LRRTM4: variants seen among roughly 807,000 people sequenced by gnomAD.
The protein encoded by LRRTM4 is leucine-rich repeat transmembrane neuronal protein 4.
A neutral mutation model predicts 47.6 loss-of-function variants in LRRTM4; 25 were observed. The observed-to-expected ratio is 0.53, with a 90% CI of 0.38 to 0.73. The LOEUF (loss-of-function observed/expected upper bound fraction) is 0.73, where lower values mean the gene tolerates loss of function less well. Among genes scored for constraint, LRRTM4 ranks in the 30% least tolerant of loss-of-function variants. The pLI is 0.00. For missense variants in LRRTM4, 638 were observed against 713.4 expected, an observed-to-expected ratio of 0.89 and a Z score of 1.20; for synonymous variants, 311 against 269.5, an observed-to-expected ratio of 1.15 and a Z score of -1.51.
intron 3 of LRRTM4, among the ~76,000 whole-genome samples, chr2:77,022,074 CTTAAAG>C (rs1277038979): frequency 6.6e-6 from 1 of 152,080 alleles, no homozygotes; most frequent in East Asian, 1.9e-4. Context: ...TTTAATTGGA[CTTAAAG>C]TTCCACATGG....
At chr2:76,750,067 A>T (rs986018572) in intron 3 of LRRTM4, among the ~76,000 whole-genome samples, 4 of 152,174 alleles carry the variant, frequency 2.6e-5, no homozygotes, top group African/African-American at 9.7e-5. Context: ...ATGGAGGGAG[A>T]TGGCAAGACT....
chr2:76,769,973 T>C (rs1673623266), intron 3 of LRRTM4, among the ~76,000 whole-genome samples: 1 of 152,188 alleles, frequency 6.6e-6, no homozygotes, highest in African/African-American at 2.4e-5. Context: ...ATCCCAGACC[T>C]ACTCGATCAA....
chr2:77,297,755 A>G lies in LRRTM4; in HGVS notation c.1551+220563T>C, dbSNP rs183836243. On this transcript the variant is annotated intron_variant, in intron 3 of 3. Transcript: ENST00000409884. ...GCCAAGAGAGTAGAGCTTTAAAGTCAATTAATAATGATATAATGAGAGAAG... is the reference window on the plus strand; with the variant it reads ...GCCAAGAGAGTAGAGCTTTAAAGTCGATTAATAATGATATAATGAGAGAAG... 2.6e-4 allele frequency among the ~76,000 whole-genome samples: 39 copies of G among 152,320 alleles called. No individual in the cohort carries two copies. In the East Asian group the frequency reaches 7.3e-3, roughly 29 times the overall value.
intron 3 of LRRTM4, among the ~76,000 whole-genome samples, chr2:77,409,147 A>G (rs931530552): frequency 6.6e-6 from 1 of 152,202 alleles, no homozygotes; most frequent in Non-Finnish European, 1.5e-5. Flanking sequence ...CACAGGATTA[A>G]TATTATAACT....
intron 3 of LRRTM4, among the ~76,000 whole-genome samples, chr2:77,139,729 C>T (rs1045861541): frequency 3.9e-5 from 6 of 152,068 alleles, no homozygotes; most frequent in African/African-American, 7.2e-5. Flanking sequence ...AAAACCCTAT[C>T]GTCTCAGCCC....
chr2:77,498,315 T>C (rs541269078), intron 3 of LRRTM4, among the ~76,000 whole-genome samples: 1 of 151,836 alleles, frequency 6.6e-6, no homozygotes, highest in African/African-American at 2.4e-5. Context: ...AAAACTGTCT[T>C]TTTAGCGATT....
chr2:76,997,258 T>A (rs1407924753), intron 3 of LRRTM4, among the ~76,000 whole-genome samples: 1 of 152,174 alleles, frequency 6.6e-6, no homozygotes, highest in Non-Finnish European at 1.5e-5. Flanking sequence ...AGTCCTGATT[T>A]TTTTCTTGAT....
chr2:77,039,668 C>T (rs1678959309), intron 3 of LRRTM4, among the ~76,000 whole-genome samples: 1 of 150,798 alleles, frequency 6.6e-6, no homozygotes, highest in Admixed American at 6.6e-5. Context: ...AATGTAATAC[C>T]ATCTTGTGTT....
chr2:76,885,850 T>C (rs369163172), intron 3 of LRRTM4, among the ~76,000 whole-genome samples: 5 of 152,038 alleles, frequency 3.3e-5, no homozygotes, highest in African/African-American at 1.2e-4. Context: ...TTACAACTAA[T>C]AAATGCTACT....
At chr2:76,789,356 GCCTCTTGA>G (rs1674847521) in intron 3 of LRRTM4, among the ~76,000 whole-genome samples, 1 of 152,158 alleles carries the variant, frequency 6.6e-6, no homozygotes, top group Non-Finnish European at 1.5e-5. Flanking sequence ...GTCCCTCGCA[GCCTCTTGA>G]CCTCACCACC....
At chr2:77,015,429 G>C (rs561490529) in intron 3 of LRRTM4, among the ~76,000 whole-genome samples, 1 of 152,088 alleles carries the variant, frequency 6.6e-6, no homozygotes, top group East Asian at 1.9e-4. Flanking sequence ...CTCCACCTCT[G>C]GGTTCAAGCA....
chr2:76,819,202 G>T (rs1045273391), intron 3 of LRRTM4, among the ~76,000 whole-genome samples: 1 of 151,580 alleles, frequency 6.6e-6, no homozygotes, highest in African/African-American at 2.4e-5. Context: ...AGTATTTATT[G>T]CCATGTTATT....
At chr2:77,142,581 T>C (rs967920364) in intron 3 of LRRTM4, among the ~76,000 whole-genome samples, 1 of 152,180 alleles carries the variant, frequency 6.6e-6, no homozygotes, top group Admixed American at 6.5e-5. Context: ...TTAGTAACTA[T>C]GACATTCTAT....
intron 3 of LRRTM4, among the ~76,000 whole-genome samples, chr2:76,964,777 GA>G (rs1675969328): frequency 1.3e-5 from 2 of 149,908 alleles, no homozygotes; most frequent in South Asian, 4.2e-4. Flanking sequence ...GGAAAACAGA[GA>G]AAAGCAATGA....
intron 3 of LRRTM4, among the ~76,000 whole-genome samples, chr2:76,814,476 G>A (rs572604671): frequency 2.4e-4 from 36 of 151,454 alleles, no homozygotes; most frequent in South Asian, 4.2e-4. Flanking sequence ...CTGCATCTGC[G>A]GATTCAAACA....
chr2:76,807,445 C>CAT (rs779192487), intron 3 of LRRTM4, among the ~76,000 whole-genome samples: 3,830 of 69,220 alleles, frequency 0.055, 154 homozygotes, highest in Non-Finnish European at 0.069. Flanking sequence ...TACGTATATA[C>CAT]ATATATATAT....
intron 3 of LRRTM4, among the ~76,000 whole-genome samples, chr2:76,780,607 C>T (rs1159455019): frequency 6.6e-6 from 1 of 152,142 alleles, no homozygotes; most frequent in Non-Finnish European, 1.5e-5. Flanking sequence ...TTTTCAGCTC[C>T]ATCACCTCCT....
intron 3 of LRRTM4, among the ~76,000 whole-genome samples, chr2:77,238,585 G>C (rs1226760778): frequency 6.6e-6 from 1 of 151,788 alleles, no homozygotes; most frequent in East Asian, 1.9e-4. Flanking sequence ...ACTGGGAGTG[G>C]GTAAACAGCA....
At chr2:77,342,931 C>CT (rs1003571167) in intron 3 of LRRTM4, among the ~76,000 whole-genome samples, 3 of 151,974 alleles carry the variant, frequency 2.0e-5, no homozygotes, top group African/African-American at 7.2e-5. Flanking sequence ...ATAAGCACCT[C>CT]TCTCAAGGAT....
Sources: allele counts gnomAD v4.1 joint callset (sites outside exome capture counted in the v4.1 genomes callset), GRCh38; gene constraint gnomAD v4.1.1; transcripts MANE v1.5; gene names NCBI Gene and HGNC (gene_info 2026-07-23, HGNC 2026-07-21).